The following UNC5C variants were observed in gnomAD, a reference collection of about 807,000 sequenced individuals.
UNC5C encodes unc-5 netrin receptor C, also known as netrin receptor UNC5C.
UNC5C carries 47 observed loss-of-function variants against 99.8 expected under a neutral mutation model. The ratio of observed to expected loss-of-function variants is 0.47; its 90% CI spans 0.37 to 0.60. The LOEUF is 0.60. Ranked by LOEUF, UNC5C falls within the 20% of genes least tolerant of loss-of-function variation. The pLI is 0.00. For synonymous variants in UNC5C, 487 were observed against 452.2 expected (o/e 1.08, Z -0.98); for missense variants, 1,062 against 1,165.9 (o/e 0.91, Z 1.30).
At chr4:95,200,311 T>C (rs1252557582) in intron 12 of UNC5C, among the ~76,000 whole-genome samples, 1 of 152,262 alleles carries the variant, frequency 6.6e-6, no homozygotes, top group East Asian at 1.9e-4. Context: ...CTTATCCTTC[T>C]TTAGCTCCTT....
At chr4:95,479,806 G>T (rs1721081136) in intron 1 of UNC5C, among the ~76,000 whole-genome samples, 3 of 151,884 alleles carry the variant, frequency 2.0e-5, no homozygotes, top group Admixed American at 2.0e-4. Context: ...TTCATTAAAT[G>T]TTATTACTGA....
chr4:95,277,969 C>T (rs114224362), intron 4 of UNC5C, among the ~76,000 whole-genome samples: 88 of 152,316 alleles, frequency 5.8e-4, no homozygotes, highest in Admixed American at 3.9e-4. Context: ...CATACCATCT[C>T]TCTATGATAA....
At chr4:95,240,120 C>A (rs777254383) in intron 7 of UNC5C, among the ~76,000 whole-genome samples, 15 of 152,268 alleles carry the variant, frequency 9.9e-5, no homozygotes, top group Non-Finnish European at 1.6e-4. Flanking sequence ...GACACTAATT[C>A]TCCCAAAGGA....
At chr4:95,441,114 C>T (rs2629840) in intron 1 of UNC5C, among the ~76,000 whole-genome samples, 88,627 of 152,002 alleles carry the variant, frequency 0.58, 27,122 homozygotes, top group Non-Finnish European at 0.7. Flanking sequence ...GTTTTGACCA[C>T]ATAAAAGCAT....
chr4:95,294,479 G>A (rs1741601810), intron 3 of UNC5C, among the ~76,000 whole-genome samples: 1 of 152,170 alleles, frequency 6.6e-6, no homozygotes, highest in African/African-American at 2.4e-5. Context: ...ACGATCGAGA[G>A]GAAATCCGGA....
At chr4:95,241,543 T>C (rs1162933154) in intron 7 of UNC5C, among the ~76,000 whole-genome samples, 4 of 152,246 alleles carry the variant, frequency 2.6e-5, no homozygotes, top group Non-Finnish European at 4.4e-5. Flanking sequence ...CTGCTAGCAA[T>C]GTGTAATGTA....
intron 1 of UNC5C, among the ~76,000 whole-genome samples, chr4:95,429,278 C>G (rs1182648681): frequency 3.5e-5 from 1 of 28,662 alleles, no homozygotes; most frequent in Non-Finnish European, 7.4e-5. Context: ...CTTAGTGATT[C>G]TTAAAAAAAA....
chr4:95,256,709 T>TAA, intron 4 of UNC5C, among the ~76,000 whole-genome samples: 1 of 142,718 alleles, frequency 7.0e-6, no homozygotes, highest in Non-Finnish European at 1.5e-5. Context: ...AATATATATA[T>TAA]ATATATATAT....
At chr4:95,282,552 A>T (rs1741096570) in intron 3 of UNC5C, among the ~76,000 whole-genome samples, 1 of 152,258 alleles carries the variant, frequency 6.6e-6, no homozygotes, top group South Asian at 2.1e-4. Flanking sequence ...CTTTGGAATG[A>T]AGACATAAAG....
chr4:95,252,703 C>A (rs927637149), intron 4 of UNC5C, among the ~76,000 whole-genome samples: 1 of 152,118 alleles, frequency 6.6e-6, no homozygotes, highest in Non-Finnish European at 1.5e-5. Flanking sequence ...TTTTGAGCAC[C>A]AACGTGACAC....
At chr4:95,546,115 C>T (rs1723055424) in intron 1 of UNC5C, among the ~76,000 whole-genome samples, 1 of 152,108 alleles carries the variant, frequency 6.6e-6, no homozygotes. Flanking sequence ...GAATAAAAAC[C>T]TCATCCACAT....
intron 12 of UNC5C, among the ~76,000 whole-genome samples, chr4:95,199,587 G>A (rs375462417): frequency 5.9e-5 from 9 of 152,180 alleles, no homozygotes; most frequent in South Asian, 2.1e-4. Flanking sequence ...GACCATTTGC[G>A]TCTTGGGTTC....
intron 5 of UNC5C, among the ~76,000 whole-genome samples, chr4:95,246,692 T>C (rs1367833122): frequency 6.6e-6 from 1 of 151,814 alleles, no homozygotes; most frequent in Non-Finnish European, 1.5e-5. Flanking sequence ...TATTTATACA[T>C]TTTAAATTAT....
At chr4:95,287,473 C>G (rs1049282784) in intron 3 of UNC5C, among the ~76,000 whole-genome samples, 1 of 152,204 alleles carries the variant, frequency 6.6e-6, no homozygotes, top group Non-Finnish European at 1.5e-5. Flanking sequence ...AAACCTGAAG[C>G]TCTTTCAGGT....
At chr4:95,188,490 A>T (rs909059341) in intron 12 of UNC5C, among the ~76,000 whole-genome samples, 1 of 152,208 alleles carries the variant, frequency 6.6e-6, no homozygotes, top group Non-Finnish European at 1.5e-5. Flanking sequence ...GTGTCAGATG[A>T]TAGAAGAAGC....
In UNC5C at chr4:95,182,997, T is replaced by C. The variant is rs377562086; in HGVS notation, c.2351A>G (p.Glu784Gly). The C allele has an allele frequency of 8.1e-6, 13 of 1,613,324 alleles. No individual in the cohort carries two copies. Among genetic ancestry groups the C allele is most frequent in the African/African-American group, 4.0e-5 (3 of 74,916 alleles). The change falls in exon 14 of 16, where the codon GAA (glutamate) becomes GGA (glycine). Residue 784 changes from glutamate (E) to glycine (G), a missense_variant. By Grantham distance (98) the Glu-to-Gly change is moderately conservative (BLOSUM62 -2). Transcript: ENST00000453304. ...QRNLHCTFTLERFSLNTVELV... is the reference protein window; with the variant it reads ...QRNLHCTFTLGRFSLNTVELV... Reference sequence around the variant, plus strand: ...CTCCACTGTGTTCAGGCTAAATCTTTCCAGAGTGAAGGTGCAGTGCAGGTT... The same window carrying C: ...CTCCACTGTGTTCAGGCTAAATCTTCCCAGAGTGAAGGTGCAGTGCAGGTT...
chr4:95,258,825 A>G (rs190426502), intron 4 of UNC5C, among the ~76,000 whole-genome samples: 3,499 of 133,476 alleles, frequency 0.026, 141 homozygotes, highest in East Asian at 0.12. Flanking sequence ...GCAGTGGCGC[A>G]ATCTCGGCTC....
chr4:95,202,141 C>T (rs989789514), intron 12 of UNC5C, among the ~76,000 whole-genome samples: 1 of 152,192 alleles, frequency 6.6e-6, no homozygotes, highest in Non-Finnish European at 1.5e-5. Flanking sequence ...GACTTACCTC[C>T]TCAACCTTGG....
chr4:95,424,928 G>A (rs1411462945), intron 1 of UNC5C, among the ~76,000 whole-genome samples: 1 of 152,008 alleles, frequency 6.6e-6, no homozygotes, highest in African/African-American at 2.4e-5. Flanking sequence ...AAACTATTCT[G>A]TCTCTACCGG....
Sources: gnomAD v4.1 joint callset for allele counts (sites outside exome capture counted in the v4.1 genomes callset) on GRCh38, gnomAD v4.1.1 for gene constraint, MANE v1.5 for transcripts, NCBI Gene and HGNC (gene_info 2026-07-23, HGNC 2026-07-21) for gene names.